The following KLF12 variants were observed in gnomAD, a reference collection of about 807,000 sequenced individuals.
KLF12 encodes the protein KLF transcription factor 12, also known as Krueppel-like factor 12.
In KLF12, 9 loss-of-function variants were observed where a neutral mutation model predicts 37.8. The observed-to-expected ratio is 0.24, with a 90% confidence interval of 0.14 to 0.42. KLF12 has a LOEUF of 0.42. KLF12 is among the 10% of genes least tolerant of loss of function. The probability of loss-of-function intolerance (pLI) is 1.00; values close to 1 mark genes in which losing one functional copy is unlikely to be tolerated. For missense variants in KLF12, 411 were observed against 516.0 expected (o/e 0.80, Z 1.97); for synonymous variants, 208 against 202.1 (o/e 1.03, Z -0.25).
At chr13:74,263,669 G>C in the KLF12 span, among the ~76,000 whole-genome samples, 1 of 152,150 alleles carries the variant, frequency 6.6e-6, no homozygotes, top group Non-Finnish European at 1.5e-5. Context: ...GAACCCAGGA[G>C]GTGGAGGTTG....
At chr13:74,210,870 C>A in the KLF12 span, among the ~76,000 whole-genome samples, 3 of 152,122 alleles carry the variant, frequency 2.0e-5, no homozygotes, top group Non-Finnish European at 2.9e-5. Flanking sequence ...TGGCTGGTTG[C>A]CAACTCACAG....
At chr13:74,209,850 T>A in the KLF12 span, among the ~76,000 whole-genome samples, 2 of 152,134 alleles carry the variant, frequency 1.3e-5, no homozygotes, top group African/African-American at 4.8e-5. Context: ...TTTACACAAC[T>A]AATACTAAAA....
chr13:73,716,673 AT>A (rs560660783), intron 6 of KLF12, among the ~76,000 whole-genome samples: 44 of 150,646 alleles, frequency 2.9e-4, no homozygotes, highest in Admixed American at 7.3e-4. Context: ...ACAGACATTC[AT>A]TTTTTTTGTG....
chr13:74,143,952 G>A, the KLF12 span, among the ~76,000 whole-genome samples: 2 of 152,098 alleles, frequency 1.3e-5, no homozygotes, highest in African/African-American at 4.8e-5. Flanking sequence ...ATTTACAGTT[G>A]GTTTACTGAG....
At chr13:73,987,127 C>T (rs1210797803) in intron 2 of KLF12, among the ~76,000 whole-genome samples, 9 of 152,110 alleles carry the variant, frequency 5.9e-5, no homozygotes, top group Non-Finnish European at 4.4e-5. Context: ...GAGAAACTTA[C>T]ACTCCATTAG....
chr13:74,150,713 T>A, the KLF12 span, among the ~76,000 whole-genome samples: 4 of 152,130 alleles, frequency 2.6e-5, no homozygotes, highest in Non-Finnish European at 5.9e-5. Flanking sequence ...AAAATAAGGG[T>A]GACTTGAACA....
the KLF12 span, among the ~76,000 whole-genome samples, chr13:74,172,264 C>A: frequency 2.0e-5 from 3 of 151,808 alleles, no homozygotes; most frequent in South Asian, 6.3e-4. Flanking sequence ...TAAAAAGGCA[C>A]TAAACTGTAG....
Position 73,813,147 on chromosome 13 carries a change from C to T in KLF12, c.806+5G>A. Reference sequence around the variant, plus strand: ...CTTAATTCATCCTGTGAATGTGATACTTACTCTTGTACTGCTCTGGCTATG... The same window carrying T: ...CTTAATTCATCCTGTGAATGTGATATTTACTCTTGTACTGCTCTGGCTATG... On this transcript the variant is annotated splice_donor_5th_base_variant and intron_variant, in intron 5 of 7. Transcript: ENST00000377669. 6.2e-7 allele frequency: 1 copy of T among 1,613,068 alleles called. No homozygotes were observed. Among genetic ancestry groups the T allele is most frequent in the Non-Finnish European group, 8.5e-7 (1 of 1,179,380 alleles).
chr13:74,169,060 A>G, the KLF12 span, among the ~76,000 whole-genome samples: 1 of 152,210 alleles, frequency 6.6e-6, no homozygotes, highest in African/African-American at 2.4e-5. Flanking sequence ...CTTAGATTGT[A>G]TAGTTTATTC....
chr13:74,195,252 GAA>G, the KLF12 span, among the ~76,000 whole-genome samples: 205 of 152,304 alleles, frequency 1.3e-3, 1 homozygote, highest in African/African-American at 4.8e-3. Context: ...TAGTGGAAAA[GAA>G]AGTTATTAAA....
chr13:74,072,681 C>T (rs930505071), intron 1 of KLF12, among the ~76,000 whole-genome samples: 11 of 151,856 alleles, frequency 7.2e-5, no homozygotes, highest in African/African-American at 1.2e-4. Flanking sequence ...CTCCACTGCA[C>T]GCCACCCGGG....
chr13:73,931,152 T>C (rs1205384068), intron 3 of KLF12, among the ~76,000 whole-genome samples: 1 of 152,164 alleles, frequency 6.6e-6, no homozygotes, highest in Non-Finnish European at 1.5e-5. Flanking sequence ...GCCACTGCCC[T>C]AGCCACATAT....
Position 73,845,768 on chromosome 13 carries a change from T to C in KLF12, c.670+59A>G, listed in dbSNP as rs1884976530. ...TGTATACAATTTAGGTTTTGTTCACTGCAAAAATGAAGTCACCTCTAGTGC... is the reference window on the plus strand; with the variant it reads ...TGTATACAATTTAGGTTTTGTTCACCGCAAAAATGAAGTCACCTCTAGTGC... On this transcript the variant is annotated intron_variant, in intron 4 of 7. Coordinates refer to ENST00000377669, the MANE Select transcript of KLF12 (RefSeq NM_007249.5). 9 of 1,500,666 alleles carry C rather than the reference T, an allele frequency of 6.0e-6. No individual in the cohort carries two copies. The East Asian group carries it at 1.8e-4, about 30-fold the overall frequency. The allele number at this position is 1,500,666 out of a possible 1,614,324, so 93.0% of individuals were successfully genotyped here. A position where few individuals can be genotyped will look rare whatever the true frequency, so the allele number is the denominator to read the frequency against.
intron 5 of KLF12, among the ~76,000 whole-genome samples, chr13:73,810,532 T>G (rs1882872351): frequency 6.6e-6 from 1 of 152,050 alleles, no homozygotes; most frequent in Admixed American, 6.5e-5. Flanking sequence ...CCTCCCAAAG[T>G]GCTGGGATTA....
At chr13:74,137,470 CAAA>C (rs929571641), upstream of KLF12, among the ~76,000 whole-genome samples, 3 of 152,144 alleles carry the variant, frequency 2.0e-5, no homozygotes, top group Non-Finnish European at 4.4e-5. Flanking sequence ...GAATTATGAA[CAAA>C]GAAGATAAAG....
chr13:74,044,738 G>A (rs1049763057), intron 1 of KLF12, among the ~76,000 whole-genome samples: 4 of 151,712 alleles, frequency 2.6e-5, no homozygotes, highest in African/African-American at 4.8e-5. Context: ...CCAGCTGCTC[G>A]GGAGGCTGAG....
intron 4 of KLF12, among the ~76,000 whole-genome samples, chr13:73,831,713 C>A (rs1164142085): frequency 1.3e-5 from 2 of 152,144 alleles, no homozygotes; most frequent in Non-Finnish European, 2.9e-5. Context: ...AGTGCCCCTA[C>A]AGATAAAGGG....
At chr13:73,853,202 C>T (rs1466313592) in intron 3 of KLF12, among the ~76,000 whole-genome samples, 1 of 152,136 alleles carries the variant, frequency 6.6e-6, no homozygotes, top group African/African-American at 2.4e-5. Flanking sequence ...AAATGCTAAC[C>T]TTTAAAATGT....
intron 1 of KLF12, among the ~76,000 whole-genome samples, chr13:74,030,108 A>G (rs947029765): frequency 6.6e-6 from 1 of 152,180 alleles, no homozygotes; most frequent in Non-Finnish European, 1.5e-5. Context: ...ATAGCCAAAT[A>G]TAAAAGTCAA....
Sources: allele counts gnomAD v4.1 joint callset (sites outside exome capture counted in the v4.1 genomes callset), GRCh38; gene constraint gnomAD v4.1.1; transcripts MANE v1.5; gene names NCBI Gene and HGNC (gene_info 2026-07-23, HGNC 2026-07-21).